The following FANCM variants were observed in gnomAD, a reference collection of about 807,000 sequenced individuals.
FANCM encodes the protein FA complementation group M, also known as Fanconi anemia group M protein.
Under a neutral mutation model 199.5 loss-of-function variants are expected in FANCM, and 140 were observed. The ratio of observed to expected loss-of-function variants is 0.70; its 90% CI spans 0.61 to 0.81. The LOEUF is 0.81. Ranked by LOEUF, FANCM falls within the 30% of genes least tolerant of loss-of-function variation. FANCM has a pLI of 0.00. For synonymous variants in FANCM, 840 were observed against 836.8 expected (o/e 1.00, Z -0.07); for missense variants, 2,410 against 2,421.4 (o/e 1.00, Z 0.10).
intron 9 of FANCM, among the ~76,000 whole-genome samples, chr14:45,163,574 G>C (rs1281585075): frequency 6.6e-6 from 1 of 152,162 alleles, no homozygotes; most frequent in South Asian, 2.1e-4. Context: ...AAACTGATCA[G>C]AGAAATCCTG....
At chr14:45,153,834 C>A in intron 5 of FANCM, 86 bp from the exon 6 acceptor site, 2 of 995,988 alleles carry the variant, frequency 2.0e-6, no homozygotes, top group Non-Finnish European at 3.2e-6. Context: ...ATAAATGTTA[C>A]ACTGACTATG....
Position 45,175,254 on chromosome 14 carries a change from G to A in FANCM, c.2500G>A (p.Glu834Lys). Residue 834 changes from glutamate to lysine, a missense_variant, in exon 14 of 23, where the codon GAA (glutamate) becomes AAA (lysine). By Grantham distance (56) the Glu-to-Lys change is moderately conservative. Coordinates refer to ENST00000267430, the MANE Select transcript of FANCM (RefSeq NM_020937.4). The part of the protein sequence containing the change: ...GSSSSVIESD[E>K]ECAEIVKQTH... ...TTCATCCTCAGTGATAGAATCTGATGAAGAATGTGCTGAAATTGTTAAACA... is the reference window on the plus strand; with the variant it reads ...TTCATCCTCAGTGATAGAATCTGATAAAGAATGTGCTGAAATTGTTAAACA... 6.2e-7 allele frequency: 1 copy of A among 1,607,024 alleles called. No homozygotes were observed. Among genetic ancestry groups the A allele is most frequent in the Non-Finnish European group, 8.5e-7 (1 of 1,177,814 alleles).
intron 13 of FANCM, among the ~76,000 whole-genome samples, chr14:45,173,789 T>A (rs1332368256): frequency 6.6e-6 from 1 of 152,240 alleles, no homozygotes; most frequent in East Asian, 1.9e-4. Flanking sequence ...TTAAATGACC[T>A]AATATATGTA....
intron 5 of FANCM, 74 bp from the exon 6 acceptor site, chr14:45,153,846 C>A (rs754435739): frequency 7.1e-6 from 8 of 1,133,798 alleles, no homozygotes; most frequent in Non-Finnish European, 1.1e-5. Flanking sequence ...CTGACTATGG[C>A]CTGACAACTT....
intron 8 of FANCM, among the ~76,000 whole-genome samples, chr14:45,158,601 T>C (rs948714390): frequency 5.3e-5 from 8 of 152,112 alleles, no homozygotes; most frequent in South Asian, 2.1e-4. Context: ...GGAAGACTTA[T>C]GAAATTAGGG....
intron 5 of FANCM, among the ~76,000 whole-genome samples, chr14:45,152,452 C>G (rs1886894468): frequency 6.6e-6 from 1 of 152,168 alleles, no homozygotes; most frequent in Admixed American, 6.5e-5. Flanking sequence ...TATTCTTACT[C>G]TCAATACCAG....
In FANCM at chr14:45,186,950, A is replaced by T. The variant is rs148573863; in HGVS notation, c.4673-831A>T. On this transcript the variant is annotated intron_variant, in intron 18 of 22. Transcript: ENST00000267430. ...GTTAGGAGACTGTTGAGGTCCTCCA[A>T]TCAAGGAATGCTAGTGGCTTCTACC... 3.1e-3 allele frequency among the ~76,000 whole-genome samples: 473 copies of T among 152,328 alleles called. 2 individuals are homozygous for T. The highest frequency in any genetic ancestry group is 0.011 in the African/African-American group (448 of 41,580).
In FANCM at chr14:45,175,272, G is replaced by A. The variant is rs374402732; in HGVS notation, c.2518G>A (p.Val840Ile). 2.1e-5 allele frequency: 34 copies of A among 1,601,006 alleles called. No homozygotes were observed. The African/African-American group carries it at 4.3e-4, about 20-fold the overall frequency. Residue 840 changes from valine to isoleucine, a missense_variant, in exon 14 of 23, where the codon GTT becomes ATT. Val to Ile is a conservative substitution (Grantham distance 29). Transcript: ENST00000267430. ...IESDEECAEIVKQTHIKPTKI... is the reference protein window; with the variant it reads ...IESDEECAEIIKQTHIKPTKI... ...ATCTGATGAAGAATGTGCTGAAATT[G>A]TTAAACAAACTCATATCAAACCTAC...
At chr14:45,147,175 C>T (rs1886457901) in intron 3 of FANCM, among the ~76,000 whole-genome samples, 1 of 152,100 alleles carries the variant, frequency 6.6e-6, no homozygotes. Context: ...GTATAGGCCG[C>T]CAGTGATTAT....
At position 45,185,349 on chromosome 14, in the gene FANCM, A is replaced by G. The variant is rs1346823171; in HGVS notation, c.4648A>G (p.Thr1550Ala). ...ATTACTTGACTTTTTAAATGATGAA[A>G]CTCAACTTTCACAGGCTATAAATGG... Reference protein sequence around the residue: ...SSLLDFLNDETQLSQAINDSE... With the variant: ...SSLLDFLNDEAQLSQAINDSE... Residue 1550 changes from threonine (T) to alanine (A), a missense_variant, in exon 18 of 23, where the codon ACT becomes GCT. Thr to Ala is a moderately conservative substitution (Grantham distance 58). Transcript: ENST00000267430. The G allele has an allele frequency of 2.5e-6, 4 of 1,593,270 alleles. No individual in the cohort carries two copies. Among genetic ancestry groups the G allele is most frequent in the Admixed American group, 3.4e-5 (2 of 58,756 alleles).
intron 20 of FANCM, among the ~76,000 whole-genome samples, chr14:45,192,222 T>C (rs1889808006): frequency 6.6e-6 from 1 of 152,196 alleles, no homozygotes. Flanking sequence ...TCATGTTTTC[T>C]TGAAACAATT....
chr14:45,190,095 A>T (rs920610779), intron 20 of FANCM, among the ~76,000 whole-genome samples: 1 of 152,148 alleles, frequency 6.6e-6, no homozygotes, highest in African/African-American at 2.4e-5. Flanking sequence ...TTTCCTTCTT[A>T]AAGTTTTCTT....
intron 8 of FANCM, among the ~76,000 whole-genome samples, chr14:45,158,729 T>C (rs1353400241): frequency 6.6e-6 from 1 of 152,204 alleles, no homozygotes; most frequent in Non-Finnish European, 1.5e-5. Flanking sequence ...TTGATTTGTT[T>C]AGGATTTTAT....
intron 14 of FANCM, among the ~76,000 whole-genome samples, chr14:45,178,538 A>G (rs780929404): frequency 6.6e-6 from 1 of 152,214 alleles, no homozygotes; most frequent in Non-Finnish European, 1.5e-5. Context: ...TCTGTATTAT[A>G]TATGAAAAAC....
In FANCM at chr14:45,176,906, A is replaced by G. The variant is rs1888745617; in HGVS notation, c.4152A>G (p.Ser1384=). 6.2e-7 allele frequency: 1 copy of G among 1,611,828 alleles called. No homozygotes were observed. Residue 1384 remains serine (S), a synonymous_variant, in exon 14 of 23, where the codon TCA becomes TCG. Coordinates refer to ENST00000267430, the MANE Select transcript of FANCM (RefSeq NM_020937.4). ...KEALNSTFDY[S]EFSLEKSKSS... Reference sequence around the variant, plus strand: ...CATTGAATTCAACTTTTGATTATTCAGAATTTTCTCTAGAAAAGTCTAAAA... The same window carrying G: ...CATTGAATTCAACTTTTGATTATTCGGAATTTTCTCTAGAAAAGTCTAAAA...
rs754803769 is a variant in FANCM at position 45,189,287 on chromosome 14, A to T, written c.5265A>T (p.Glu1755Asp). The change falls in exon 20 of 23, where the codon GAA becomes GAT. Residue 1755 changes from glutamate (E) to aspartate (D), a missense_variant. Coordinates refer to ENST00000267430, the MANE Select transcript of FANCM (RefSeq NM_020937.4). ...ACTTCAAACCTCAGAATCATAATGA[A>T]GTCCAGTCTACCACACCACCCTTCA... Reference protein sequence around the residue: ...VSDFKPQNHNEVQSTTPPFTT... With the variant: ...VSDFKPQNHNDVQSTTPPFTT... 6.2e-7 allele frequency: 1 copy of T among 1,614,060 alleles called. No homozygotes were observed. The highest frequency in any genetic ancestry group is 8.5e-7 in the Non-Finnish European group (1 of 1,179,898).
chr14:45,190,520 A>G (rs1889696351), intron 20 of FANCM, among the ~76,000 whole-genome samples: 1 of 152,170 alleles, frequency 6.6e-6, no homozygotes, highest in Non-Finnish European at 1.5e-5. Flanking sequence ...GTAATTAACT[A>G]TAGTCTTCTT....
At chr14:45,139,451 CT>C (rs935871964) in intron 2 of FANCM, among the ~76,000 whole-genome samples, 6 of 152,018 alleles carry the variant, frequency 3.9e-5, no homozygotes, top group African/African-American at 1.2e-4. Context: ...AGAGCTGTTC[CT>C]GCAAATCAGT....
intron 7 of FANCM, 59 bp downstream of exon 7, chr14:45,154,881 T>C (rs920907057): frequency 1.4e-6 from 2 of 1,478,664 alleles, no homozygotes; most frequent in Admixed American, 3.5e-5. Flanking sequence ...CAGTTAATTT[T>C]GAAATTTTGC....
Sources: gnomAD v4.1 joint callset for allele counts (sites outside exome capture counted in the v4.1 genomes callset) on GRCh38, gnomAD v4.1.1 for gene constraint, MANE v1.5 for transcripts, NCBI Gene and HGNC (gene_info 2026-07-23, HGNC 2026-07-21) for gene names.